The following SUFU variants were observed in gnomAD, a reference collection of about 807,000 sequenced individuals.
The protein encoded by SUFU is SUFU negative regulator of hedgehog signaling.
Under a neutral mutation model 58.9 loss-of-function variants are expected in SUFU, and 7 were observed. The observed-to-expected ratio is 0.12, with a 90% CI of 0.07 to 0.22. The LOEUF is 0.22. Among genes scored for constraint, SUFU ranks in the 10% least tolerant of loss-of-function variants. The pLI, the probability that SUFU is intolerant of heterozygous loss-of-function variation, is 1.00. For synonymous variants in SUFU, 232 were observed against 254.8 expected, an observed-to-expected ratio of 0.91 and a Z score of 0.85; for missense variants, 451 against 641.3, an observed-to-expected ratio of 0.70 and a Z score of 3.20.
chr10:102,593,114 C>T (rs935827301), intron 4 of SUFU, among the ~76,000 whole-genome samples: 3 of 152,132 alleles, frequency 2.0e-5, no homozygotes, highest in Admixed American at 1.3e-4. Context: ...TTTTTGGTCA[C>T]GAAGTCTATG....
chr10:102,627,944 G>A (rs892070359), intron 11 of SUFU, among the ~76,000 whole-genome samples: 9 of 152,126 alleles, frequency 5.9e-5, no homozygotes, highest in Non-Finnish European at 8.8e-5. Context: ...GCTCCTGCCC[G>A]CAGCACCCCA....
chr10:102,521,491 T>C, intron 2 of SUFU, among the ~76,000 whole-genome samples: 1 of 152,200 alleles, frequency 6.6e-6, no homozygotes, highest in East Asian at 1.9e-4. Flanking sequence ...TGGTTTTAAC[T>C]GGGGCTGGCT....
At chr10:102,558,265 C>A (rs2063001704) in intron 3 of SUFU, among the ~76,000 whole-genome samples, 1 of 152,204 alleles carries the variant, frequency 6.6e-6, no homozygotes, top group African/African-American at 2.4e-5. Context: ...GGCTAGAGTA[C>A]CATAGCACCT....
intron 3 of SUFU, among the ~76,000 whole-genome samples, chr10:102,585,440 C>T (rs7907760): frequency 0.45 from 68,968 of 151,910 alleles, 16,052 homozygotes; most frequent in East Asian, 0.68. Flanking sequence ...TTGTAATTGC[C>T]ATCTTTTTTG....
chr10:102,534,860 G>A (rs2062717267), intron 2 of SUFU, among the ~76,000 whole-genome samples: 2 of 152,142 alleles, frequency 1.3e-5, no homozygotes, highest in South Asian at 4.1e-4. Flanking sequence ...TATAGTCTCT[G>A]GGTCCAGCTG....
At chr10:102,546,073 G>A (rs1201035210) in intron 2 of SUFU, among the ~76,000 whole-genome samples, 1 of 152,226 alleles carries the variant, frequency 6.6e-6, no homozygotes, top group Admixed American at 6.5e-5. Context: ...GAGGTACTCT[G>A]GGGGAGACCT....
At chr10:102,576,600 A>G (rs988457234) in intron 3 of SUFU, among the ~76,000 whole-genome samples, 1 of 152,158 alleles carries the variant, frequency 6.6e-6, no homozygotes, top group Non-Finnish European at 1.5e-5. Flanking sequence ...GTAGATATTT[A>G]TAAGTAGAAT....
At chr10:102,509,371 A>G (rs965615486) in intron 2 of SUFU, 68 bp downstream of exon 2, 2 of 1,593,332 alleles carry the variant, frequency 1.3e-6, no homozygotes, top group South Asian at 1.1e-5. Flanking sequence ...AGGGGTGACA[A>G]TGTCATAGTG....
chr10:102,530,218 T>C (rs1564667287), intron 2 of SUFU, among the ~76,000 whole-genome samples: 3 of 152,044 alleles, frequency 2.0e-5, no homozygotes, highest in Non-Finnish European at 4.4e-5. Context: ...TGGCATCTTA[T>C]TGGGATGCTG....
rs1213304111 is a variant in SUFU at position 102,629,308 on chromosome 10, C to T, written c.1366-758C>T. On this transcript the variant is annotated intron_variant, in intron 11 of 11. Transcript: ENST00000369902. This position sits in a 1 kb window ranked among gnomAD's most constrained non-coding sequence, Gnocchi z 4.7. ...GCATCAGCCTCTTCCCCTTCCCCTA[C>T]CAGAAACTCCCAGGTGAATGGGAGA... 6.6e-6 allele frequency among the ~76,000 whole-genome samples: 1 copy of T among 152,220 alleles called. No individual in the cohort carries two copies. The highest frequency in any genetic ancestry group is 1.5e-5 in the Non-Finnish European group (1 of 68,040).
At chr10:102,605,356 CATT>C (rs964287095) in intron 8 of SUFU, among the ~76,000 whole-genome samples, 21 of 152,082 alleles carry the variant, frequency 1.4e-4, no homozygotes, top group African/African-American at 5.1e-4. Context: ...CTCTACAAAA[CATT>C]AGCCAGGTGT....
chr10:102,626,080 A>G (rs1045948616), intron 10 of SUFU, among the ~76,000 whole-genome samples: 4 of 152,188 alleles, frequency 2.6e-5, no homozygotes, highest in African/African-American at 9.6e-5. Context: ...GAAGACAGGT[A>G]GAGCTGTGGC....
intron 11 of SUFU, 30 bp downstream of exon 11, chr10:102,627,273 G>A: frequency 6.3e-7 from 1 of 1,598,258 alleles, no homozygotes; most frequent in Non-Finnish European, 8.6e-7. Context: ...CCTGACAACA[G>A]GTCCCGTCTC....
rs549764438 is a variant in SUFU, at chr10:102,587,135, G to T, written c.455-5447G>T. Among the ~76,000 whole-genome samples the T allele has an allele frequency of 5.9e-5, 9 of 152,152 alleles. No individual in the cohort carries two copies. In the South Asian group the frequency reaches 1.9e-3, roughly 32 times the overall value. ...ACATTTGGGTTGTTTCCACCTTCTG[G>T]CAATTGTGAATAATGCTGCTGTGAA... is the stretch of plus-strand genomic sequence containing the variant. On this transcript the variant is annotated intron_variant, in intron 3 of 11. Coordinates refer to ENST00000369902, the MANE Select transcript of SUFU (RefSeq NM_016169.4).
intron 2 of SUFU, 53 bp downstream of exon 2, chr10:102,509,356 T>G: frequency 1.2e-6 from 2 of 1,605,474 alleles, no homozygotes; most frequent in Non-Finnish European, 1.7e-6. Context: ...GAGGTCTTCC[T>G]GAGCAGGGGT....
rs190308676 is a variant in SUFU, at chr10:102,561,530, G to A, written c.454+11424G>A. The stretch of plus-strand genomic sequence containing the variant: ...GATTACAGATGTGAGCCACTGCACC[G>A]AGCCTAGTGTTTTTATAGCAACAAA... On this transcript the variant is annotated intron_variant, in intron 3 of 11. Coordinates refer to ENST00000369902, the MANE Select transcript of SUFU (RefSeq NM_016169.4). 1.9e-4 allele frequency among the ~76,000 whole-genome samples: 29 copies of A among 152,018 alleles called. 1 individual carries two copies. Among genetic ancestry groups the A allele is most frequent in the African/African-American group, 6.5e-4 (27 of 41,448 alleles).
At chr10:102,528,284 A>G (rs989752123) in intron 2 of SUFU, among the ~76,000 whole-genome samples, 23 of 152,142 alleles carry the variant, frequency 1.5e-4, no homozygotes, top group African/African-American at 5.6e-4. Flanking sequence ...AAAATTCAGT[A>G]TCTTGGCTGG....
At chr10:102,622,645 TA>T (rs2063749822) in intron 10 of SUFU, among the ~76,000 whole-genome samples, 1 of 149,616 alleles carries the variant, frequency 6.7e-6, no homozygotes, top group Non-Finnish European at 1.5e-5. Flanking sequence ...TGTCTGCTGT[TA>T]AACAGCAGAC....
chr10:102,551,717 CTTTTTTTTTTTTTTTT>C (rs771685480), intron 3 of SUFU, among the ~76,000 whole-genome samples: 4 of 68,714 alleles, frequency 5.8e-5, no homozygotes, highest in Non-Finnish European at 1.1e-4. Flanking sequence ...TATGTGCCTT[CTTTTTTTTTTTTTTTT>C]TTTTTTTTGG....
Sources: allele counts gnomAD v4.1 joint callset (sites outside exome capture counted in the v4.1 genomes callset), GRCh38; gene constraint gnomAD v4.1.1; non-coding constraint Gnocchi (gnomAD v3.1); transcripts MANE v1.5; gene names NCBI Gene and HGNC (gene_info 2026-07-23, HGNC 2026-07-21).